The following GLCE variants were observed in gnomAD, a reference collection of about 807,000 sequenced individuals.
The protein encoded by GLCE is D-glucuronyl C5-epimerase.
GLCE carries 19 observed loss-of-function variants against 47.9 expected under a neutral mutation model. That is an observed-to-expected ratio of 0.40 (90% CI 0.28 to 0.58). The LOEUF is 0.58. Among genes scored for constraint, GLCE ranks in the 20% least tolerant of loss-of-function variants. GLCE has a pLI of 0.48. For missense variants in GLCE, 556 were observed against 743.3 expected, an observed-to-expected ratio of 0.75 and a Z score of 2.93; for synonymous variants, 245 against 263.4, an observed-to-expected ratio of 0.93 and a Z score of 0.68.
chr15:69,213,054 CTT>C (rs1441361762), intron 2 of GLCE, among the ~76,000 whole-genome samples: 3 of 151,984 alleles, frequency 2.0e-5, no homozygotes, highest in Non-Finnish European at 2.9e-5. Context: ...AATAACGTCT[CTT>C]TTTCTCTTGT....
At chr15:69,197,618 A>G (rs2052012991) in intron 1 of GLCE, among the ~76,000 whole-genome samples, 1 of 152,152 alleles carries the variant, frequency 6.6e-6, no homozygotes, top group South Asian at 2.1e-4. Context: ...GTAAAATAAG[A>G]GGAAGTCGGA....
At chr15:69,184,110 A>G (rs1167268846) in intron 1 of GLCE, among the ~76,000 whole-genome samples, 1 of 152,236 alleles carries the variant, frequency 6.6e-6, no homozygotes, top group Non-Finnish European at 1.5e-5. Flanking sequence ...AGTATCATGT[A>G]GAATTTATAG....
At chr15:69,231,876 T>C (rs1185672153) in intron 2 of GLCE, among the ~76,000 whole-genome samples, 1 of 152,204 alleles carries the variant, frequency 6.6e-6, no homozygotes, top group African/African-American at 2.4e-5. Context: ...CACTGCAGCC[T>C]CTGCCTCTTG....
chr15:69,213,045 A>G (rs1408524711), intron 2 of GLCE, among the ~76,000 whole-genome samples: 1 of 152,126 alleles, frequency 6.6e-6, no homozygotes, highest in Non-Finnish European at 1.5e-5. Flanking sequence ...AAGGAGAAGA[A>G]TAACGTCTCT....
At chr15:69,222,558 A>G (rs1275838796) in intron 2 of GLCE, among the ~76,000 whole-genome samples, 1 of 152,164 alleles carries the variant, frequency 6.6e-6, no homozygotes, top group African/African-American at 2.4e-5. Flanking sequence ...GGCCTTGAAC[A>G]TATCCTGGCA....
chr15:69,226,548 A>G (rs2052450026), intron 2 of GLCE, among the ~76,000 whole-genome samples: 1 of 152,164 alleles, frequency 6.6e-6, no homozygotes, highest in Non-Finnish European at 1.5e-5. Context: ...TGGAGTCTTA[A>G]GAGTAAAGCT....
Position 69,160,781 on chromosome 15 carries a change from C to G in GLCE, c.-105+24C>G, listed in dbSNP as rs1891933698. 1 of 152,570 alleles carries G rather than the reference C, an allele frequency of 6.6e-6. No homozygotes were observed. Among genetic ancestry groups the G allele is most frequent in the African/African-American group, 2.4e-5 (1 of 41,450 alleles). 9.5% of individuals were successfully genotyped at this position (152,570 alleles called of 1,614,324 possible). On this transcript the variant is annotated intron_variant, in intron 1 of 4. Transcript: ENST00000261858. This position sits in a 1 kb window ranked among gnomAD's most constrained non-coding sequence, Gnocchi z 4.2. ...AGGTTAGAAAGCCCGGAGCGCGTCT[C>G]CGCTGAGGAGCGGTCGGGGAGCGGG...
intron 2 of GLCE, among the ~76,000 whole-genome samples, chr15:69,215,283 T>C (rs1443500310): frequency 6.6e-6 from 1 of 152,172 alleles, no homozygotes; most frequent in East Asian, 1.9e-4. Context: ...ATCCCTTTAG[T>C]TATTAGCCTT....
chr15:69,224,628 A>G (rs540686985), intron 2 of GLCE, among the ~76,000 whole-genome samples: 4 of 152,278 alleles, frequency 2.6e-5, no homozygotes, highest in African/African-American at 9.6e-5. Context: ...CCATACCTGG[A>G]GGACAAGGTC....
intron 1 of GLCE, among the ~76,000 whole-genome samples, chr15:69,169,325 T>A (rs1045816986): frequency 6.6e-6 from 1 of 152,194 alleles, no homozygotes; most frequent in Non-Finnish European, 1.5e-5. Context: ...CCATAAAAAT[T>A]CATTTTTTGG....
rs953481703 is a variant in GLCE, at chr15:69,268,414, G to A, written c.1024G>A (p.Gly342Arg). ...AGAAAGAGATATATACTATGGCATT[G>A]GGCCCAGAACTTCATGGAGCACAGT... is the stretch of plus-strand genomic sequence containing the variant. ...FKERDIYYGI[G>R]PRTSWSTVTR... Residue 342 changes from glycine to arginine, a missense_variant, in exon 5 of 5, where the codon GGG becomes AGG. By Grantham distance (125) the Gly-to-Arg change is moderately radical. This residue lies in a region of GLCE where 245 missense variants were observed against 368.1 expected (regional missense o/e 0.67). Transcript: ENST00000261858. 2 of 1,613,778 alleles carry A rather than the reference G, an allele frequency of 1.2e-6. No individual in the cohort carries two copies. The highest frequency in any genetic ancestry group is 1.7e-6 in the Non-Finnish European group (2 of 1,179,832).
intron 2 of GLCE, among the ~76,000 whole-genome samples, chr15:69,214,626 C>T (rs2052279648): frequency 6.6e-6 from 1 of 152,126 alleles, no homozygotes; most frequent in Non-Finnish European, 1.5e-5. Context: ...AACTCACATA[C>T]ATACATCTAT....
At chr15:69,247,965 A>G (rs919456395) in intron 2 of GLCE, among the ~76,000 whole-genome samples, 3 of 152,224 alleles carry the variant, frequency 2.0e-5, no homozygotes, top group Non-Finnish European at 4.4e-5. Context: ...AATATTAGAA[A>G]TACTGTGAGA....
chr15:69,221,419 A>T (rs1171063556), intron 2 of GLCE, among the ~76,000 whole-genome samples: 1 of 152,184 alleles, frequency 6.6e-6, no homozygotes. Flanking sequence ...AATTTTGTTC[A>T]GCAGTGTTTT....
chr15:69,243,798 CATA>C (rs1019872175), intron 2 of GLCE, among the ~76,000 whole-genome samples: 4 of 118,058 alleles, frequency 3.4e-5, no homozygotes, highest in African/African-American at 1.3e-4. Flanking sequence ...AATAAAAAGT[CATA>C]GAATAAAATA....
chr15:69,167,511 G>A (rs1352214975), intron 1 of GLCE, among the ~76,000 whole-genome samples: 4 of 152,172 alleles, frequency 2.6e-5, no homozygotes, highest in Non-Finnish European at 5.9e-5. Context: ...CTGCTGAGTT[G>A]TTATTAGCAT....
intron 2 of GLCE, among the ~76,000 whole-genome samples, chr15:69,211,097 T>C (rs2052227856): frequency 6.6e-6 from 1 of 152,260 alleles, no homozygotes; most frequent in Admixed American, 6.6e-5. Flanking sequence ...ACAGGAACTC[T>C]AATTTCTTGA....
At chr15:69,211,359 T>C (rs1198351245) in intron 2 of GLCE, among the ~76,000 whole-genome samples, 1 of 152,048 alleles carries the variant, frequency 6.6e-6, no homozygotes, top group Non-Finnish European at 1.5e-5. Context: ...AAATAATATT[T>C]TGAGAGTGAT....
At chr15:69,168,907 T>G (rs192437871) in intron 1 of GLCE, among the ~76,000 whole-genome samples, 1 of 152,158 alleles carries the variant, frequency 6.6e-6, no homozygotes, top group Non-Finnish European at 1.5e-5. Flanking sequence ...AAATCATAAG[T>G]ATACAGCTCA....
Sources: gnomAD v4.1 joint callset for allele counts (sites outside exome capture counted in the v4.1 genomes callset) on GRCh38, gnomAD v4.1.1 for gene constraint, gnomAD v4.1.1 regional missense constraint, Gnocchi (gnomAD v3.1) non-coding constraint, MANE v1.5 for transcripts, NCBI Gene and HGNC (gene_info 2026-07-23, HGNC 2026-07-21) for gene names.